Variants in ADGRL4 observed in about 807,000 individuals in gnomAD.
ADGRL4 encodes EGF, latrophilin and seven transmembrane domain containing 1.
In ADGRL4, 90 loss-of-function variants were observed where a neutral mutation model predicts 74.8. The observed-to-expected ratio is 1.20, with a 90% CI of 1.02 to 1.43. ADGRL4 has a LOEUF of 1.43. Ranked by LOEUF, ADGRL4 falls within the 40% of genes most tolerant of loss-of-function variation. ADGRL4 has a pLI of 0.00. For missense variants in ADGRL4, 881 were observed against 814.3 expected (o/e 1.08, Z -1.00); for synonymous variants, 311 against 279.2 (o/e 1.11, Z -1.14).
At chr1:78,906,296 A>C (rs1648633321) in intron 12 of ADGRL4, among the ~76,000 whole-genome samples, 1 of 152,048 alleles carries the variant, frequency 6.6e-6, no homozygotes, top group South Asian at 2.1e-4. Flanking sequence ...TAGGCATTAA[A>C]ATAGTATTAG....
At chr1:79,001,449 A>T (rs1005440489) in intron 2 of ADGRL4, among the ~76,000 whole-genome samples, 2 of 152,118 alleles carry the variant, frequency 1.3e-5, no homozygotes, top group Non-Finnish European at 2.9e-5. Flanking sequence ...AAAGAAAGAA[A>T]AACAAAATAT....
chr1:78,892,775 T>C (rs1648310687), intron 13 of ADGRL4, among the ~76,000 whole-genome samples: 2 of 151,878 alleles, frequency 1.3e-5, no homozygotes, highest in Non-Finnish European at 2.9e-5. Flanking sequence ...AAACTAGGGA[T>C]AACAAGAAAG....
chr1:78,968,642 T>C lies in ADGRL4; in HGVS notation c.173-22216A>G, dbSNP rs374012997. 1.0e-3 allele frequency among the ~76,000 whole-genome samples: 156 copies of C among 152,218 alleles called. 1 individual carries two copies. Among genetic ancestry groups the C allele is most frequent in the Middle Eastern group, 6.8e-3 (2 of 294 alleles). On this transcript the variant is annotated intron_variant, in intron 2 of 14. Transcript: ENST00000370742. ...GAACAGGGCTGCAGCTGCTACTCTT[T>C]ATAGCACCTTCTTTGGTGTCTGTGA...
rs768791634 is a variant in ADGRL4, at chr1:78,937,812, T to G, written c.755A>C (p.Asp252Ala). The G allele has an allele frequency of 6.2e-7, 1 of 1,605,004 alleles. No homozygotes were observed. Among genetic ancestry groups the G allele is most frequent in the Admixed American group, 1.7e-5 (1 of 57,652 alleles). The stretch of plus-strand genomic sequence containing the variant: ...AATGGACCCTTGTTTCTTACCTATA[T>G]CCGTTGAATTTGTATCAAACTCTGT... Reference protein sequence around the residue: ...KTTEFDTNSTDIALKVFFFDS... With the variant: ...KTTEFDTNSTAIALKVFFFDS... Residue 252 changes from aspartate (D) to alanine (A), a missense_variant, in exon 6 of 15, where the codon GAT becomes GCT. Asp to Ala is a moderately radical substitution (Grantham distance 126, BLOSUM62 -2). Coordinates refer to ENST00000370742, the MANE Select transcript of ADGRL4 (RefSeq NM_022159.4).
intron 12 of ADGRL4, among the ~76,000 whole-genome samples, chr1:78,903,469 T>G (rs575316611): frequency 6.6e-6 from 1 of 152,220 alleles, no homozygotes; most frequent in South Asian, 2.1e-4. Context: ...TCCATGAAGA[T>G]CTAATCAGAT....
intron 2 of ADGRL4, among the ~76,000 whole-genome samples, chr1:78,960,978 T>G (rs1339187946): frequency 6.6e-6 from 1 of 152,212 alleles, no homozygotes; most frequent in Admixed American, 6.5e-5. Flanking sequence ...GAAATGCATT[T>G]TATGCACCCA....
intron 2 of ADGRL4, among the ~76,000 whole-genome samples, chr1:78,972,320 T>A (rs1650187376): frequency 6.6e-6 from 1 of 152,288 alleles, no homozygotes; most frequent in East Asian, 1.9e-4. Context: ...TGGAGGAATC[T>A]CCAGTAAAGC....
intron 12 of ADGRL4, among the ~76,000 whole-genome samples, chr1:78,903,953 AT>A (rs1648571931): frequency 1.9e-5 from 2 of 103,944 alleles, no homozygotes. Flanking sequence ...AAATAAATAA[AT>A]AAATAAATAA....
At chr1:78,936,812 AT>A (rs1258866295) in intron 6 of ADGRL4, among the ~76,000 whole-genome samples, 3 of 152,194 alleles carry the variant, frequency 2.0e-5, no homozygotes, top group African/African-American at 7.2e-5. Context: ...TATTATCACC[AT>A]TTTCATGCAG....
At chr1:78,946,675 T>C (rs187296244) in intron 2 of ADGRL4, among the ~76,000 whole-genome samples, 370 of 152,286 alleles carry the variant, frequency 2.4e-3, no homozygotes, top group African/African-American at 8.3e-3. Context: ...AACTATTAAA[T>C]CTATATGGCA....
intron 7 of ADGRL4, among the ~76,000 whole-genome samples, chr1:78,935,193 G>C (rs982996991): frequency 6.6e-6 from 1 of 152,142 alleles, no homozygotes; most frequent in African/African-American, 2.4e-5. Flanking sequence ...AGAAAATGTG[G>C]TACATATACA....
chr1:78,920,230 G>A lies in ADGRL4; in HGVS notation c.1414C>T (p.Leu472Phe), dbSNP rs1430793657. Residue 472 changes from leucine (L) to phenylalanine (F), a missense_variant, in exon 10 of 15, where the codon CTT becomes TTT. Transcript: ENST00000370742. ...CCAACAAGAAAAACAAGTTCAGCAA[G>A]AAATAGGCTACAGCAAAGATTTTTG... is the stretch of plus-strand genomic sequence containing the variant. ...IHKNLCCSLF[L>F]AELVFLVGIN... is the part of the protein sequence containing the mutation. 1 of 1,611,860 alleles carries A rather than the reference G, an allele frequency of 6.2e-7. No homozygotes were observed. Among genetic ancestry groups the A allele is most frequent in the East Asian group, 2.2e-5 (1 of 44,670 alleles).
intron 6 of ADGRL4, 83 bp downstream of exon 6, chr1:78,937,724 C>G: frequency 8.0e-7 from 1 of 1,244,670 alleles, no homozygotes; most frequent in Non-Finnish European, 1.1e-6. Context: ...GTTTCAACAC[C>G]ATGCCTCCTA....
intron 12 of ADGRL4, among the ~76,000 whole-genome samples, chr1:78,905,201 G>C (rs894406042): frequency 2.0e-5 from 3 of 152,100 alleles, no homozygotes; most frequent in African/African-American, 4.8e-5. Flanking sequence ...AGAGTAAGTT[G>C]AGCATTTATC....
chr1:78,898,407 T>C lies in ADGRL4; in HGVS notation c.1750-5218A>G, dbSNP rs547250645. Among the ~76,000 whole-genome samples the C allele has an allele frequency of 4.6e-5, 7 of 152,236 alleles. No homozygotes were observed. In the South Asian group the frequency reaches 1.4e-3, roughly 32 times the overall value. ...TGCATATCTGTGTGTGCTTATTTAA[T>C]CCACTGTGGTCCATTTATTAATCTC... On this transcript the variant is annotated intron_variant, in intron 12 of 14. Coordinates refer to ENST00000370742, the MANE Select transcript of ADGRL4 (RefSeq NM_022159.4).
chr1:78,988,510 A>G (rs1459585822), intron 2 of ADGRL4, among the ~76,000 whole-genome samples: 1 of 151,882 alleles, frequency 6.6e-6, no homozygotes, highest in Admixed American at 6.6e-5. Context: ...TAACTCAGAA[A>G]TGTTGCTGAA....
intron 6 of ADGRL4, among the ~76,000 whole-genome samples, chr1:78,936,705 A>T (rs1416464753): frequency 6.6e-6 from 1 of 152,234 alleles, no homozygotes; most frequent in Admixed American, 6.5e-5. Context: ...TTACTAAAGC[A>T]AAGATAAGCA....
intron 7 of ADGRL4, among the ~76,000 whole-genome samples, chr1:78,930,591 C>T (rs1447637600): frequency 1.3e-5 from 2 of 150,594 alleles, no homozygotes; most frequent in African/African-American, 5.0e-5. Flanking sequence ...GCTGGGATTA[C>T]AGGCACCCAC....
At chr1:78,943,438 C>T (rs752768123) in intron 3 of ADGRL4, among the ~76,000 whole-genome samples, 36 of 152,290 alleles carry the variant, frequency 2.4e-4, no homozygotes, top group Non-Finnish European at 4.4e-4. Flanking sequence ...TGCTAAATCT[C>T]ACCCAGCGCT....
Sources: allele counts gnomAD v4.1 joint callset (sites outside exome capture counted in the v4.1 genomes callset), GRCh38; gene constraint gnomAD v4.1.1; transcripts MANE v1.5; gene names NCBI Gene and HGNC (gene_info 2026-07-23, HGNC 2026-07-21).